The following EPB41L5 variants were observed in gnomAD, a reference collection of about 807,000 sequenced individuals.
EPB41L5 encodes the protein band 4.1-like protein 5.
Under a neutral mutation model 106.6 loss-of-function variants are expected in EPB41L5, and 55 were observed. The observed-to-expected ratio is 0.52, with a 90% CI of 0.42 to 0.65. The LOEUF (loss-of-function observed/expected upper bound fraction) is 0.65. EPB41L5 is among the 30% of genes least tolerant of loss of function. The pLI, the probability that EPB41L5 is intolerant of heterozygous loss-of-function variation, is 0.00. For synonymous variants in EPB41L5, 297 were observed against 306.7 expected (o/e 0.97, Z 0.33); for missense variants, 871 against 882.1 (o/e 0.99, Z 0.16).
At chr2:120,059,868 G>C (rs931250195) in intron 3 of EPB41L5, among the ~76,000 whole-genome samples, 2 of 152,178 alleles carry the variant, frequency 1.3e-5, no homozygotes, top group African/African-American at 4.8e-5. Flanking sequence ...GCGACAGAGC[G>C]AAACCGTGTC....
intron 3 of EPB41L5, among the ~76,000 whole-genome samples, chr2:120,067,227 G>T (rs1340268107): frequency 6.6e-6 from 1 of 152,212 alleles, no homozygotes; most frequent in Non-Finnish European, 1.5e-5. Flanking sequence ...ACATGGAAAG[G>T]TATTTTGCTG....
chr2:120,173,845 G>A (rs988245268), intron 24 of EPB41L5, among the ~76,000 whole-genome samples: 1 of 152,038 alleles, frequency 6.6e-6, no homozygotes, highest in East Asian at 1.9e-4. Context: ...CCCTCACCTG[G>A]CTATTTTTGT....
At chr2:120,098,156 T>TGTGTGTGTGTGTGTG (rs146897019) in intron 14 of EPB41L5, among the ~76,000 whole-genome samples, 6 of 133,728 alleles carry the variant, frequency 4.5e-5, no homozygotes, top group East Asian at 2.3e-4. Flanking sequence ...ATTGTTTGTT[T>TGTGTGTGTGTGTGTG]TGTGTGTGTG....
At chr2:120,130,971 G>C (rs942473703) in intron 17 of EPB41L5, among the ~76,000 whole-genome samples, 1 of 152,176 alleles carries the variant, frequency 6.6e-6, no homozygotes, top group Non-Finnish European at 1.5e-5. Flanking sequence ...TGCAAAATAA[G>C]ATTATTTCAG....
In EPB41L5 at chr2:120,177,113, C is replaced by T. The variant is rs1687946993; in HGVS notation, c.*2206C>T. 6.6e-6 allele frequency: 1 copy of T among 152,246 alleles called. No homozygotes were observed. Among genetic ancestry groups the T allele is most frequent in the South Asian group, 2.1e-4 (1 of 4,826 alleles). The allele number at this position is 152,246 out of a possible 1,614,324, so 9.4% of individuals were successfully genotyped here. On this transcript the variant is annotated 3_prime_UTR_variant, in exon 25 of 25. Coordinates refer to ENST00000263713, the MANE Select transcript of EPB41L5 (RefSeq NM_020909.4). ...TTTCCTGTCATAGCTGCTGCTGCTG[C>T]CATGCGCAGAGCTGCTGTAACAGCT...
intron 24 of EPB41L5, among the ~76,000 whole-genome samples, chr2:120,174,104 G>A (rs187745405): frequency 5.5e-4 from 84 of 152,226 alleles, no homozygotes; most frequent in Admixed American, 1.7e-3. Flanking sequence ...TTTTTCACAC[G>A]GCTCTAACAA....
intron 20 of EPB41L5, among the ~76,000 whole-genome samples, chr2:120,154,480 A>T (rs890600997): frequency 1.3e-5 from 2 of 151,884 alleles, no homozygotes; most frequent in African/African-American, 4.8e-5. Flanking sequence ...CCTATATTTA[A>T]AAATTTATCC....
intron 3 of EPB41L5, among the ~76,000 whole-genome samples, chr2:120,046,900 C>G (rs1417280056): frequency 6.6e-6 from 1 of 152,096 alleles, no homozygotes; most frequent in African/African-American, 2.4e-5. Context: ...TTTCCCAGCA[C>G]CATTTATTAA....
chr2:120,175,084 A>G lies in EPB41L5; in HGVS notation c.*177A>G. The G allele has an allele frequency of 1.6e-6, 1 of 642,424 alleles. No homozygotes were observed. The highest frequency in any genetic ancestry group is 2.8e-6 in the Non-Finnish European group (1 of 352,966). The allele number at this position is 642,424 out of a possible 1,614,324, so 39.8% of individuals were successfully genotyped here. A position where few individuals can be genotyped will look rare whatever the true frequency, so the allele number is the denominator to read the frequency against. On this transcript the variant is annotated 3_prime_UTR_variant, in exon 25 of 25. Transcript: ENST00000263713. ...TTTTCCGTCCAACTGGAATTGTTGA[A>G]TCACACTGCATAGCTGCCCAAAAGA...
chr2:120,159,450 A>G (rs1258857597), intron 20 of EPB41L5, among the ~76,000 whole-genome samples: 1 of 137,300 alleles, frequency 7.3e-6, no homozygotes, highest in Non-Finnish European at 1.7e-5. Flanking sequence ...AAAAGTGACA[A>G]TCAATATCAT....
Position 120,073,226 on chromosome 2 carries a change from T to C in EPB41L5, c.328+6T>C, listed in dbSNP as rs1289524884. ...CATCAAAAAGCAAGTAAAAAGTAAG[T>C]GCAGACAAAATTATTTGTGGGGGGG... On this transcript the variant is annotated splice_donor_region_variant and intron_variant, in intron 4 of 24. Coordinates refer to ENST00000263713, the MANE Select transcript of EPB41L5 (RefSeq NM_020909.4). 1.2e-6 allele frequency: 2 copies of C among 1,607,684 alleles called. No individual in the cohort carries two copies. Among genetic ancestry groups the C allele is most frequent in the Admixed American group, 1.7e-5 (1 of 58,438 alleles).
At chr2:120,062,210 A>T (rs116520745) in intron 3 of EPB41L5, among the ~76,000 whole-genome samples, 1,804 of 152,312 alleles carry the variant, frequency 0.012, 37 homozygotes, top group African/African-American at 0.041. Flanking sequence ...CTGAGAACAC[A>T]ATAGGATTCA....
At chr2:120,106,114 T>C in intron 16 of EPB41L5, 1 of 985,220 alleles carries the variant, frequency 1.0e-6, no homozygotes, top group Non-Finnish European at 1.2e-6. Flanking sequence ...TAATTTGAGT[T>C]AATCAGTACT....
intron 18 of EPB41L5, among the ~76,000 whole-genome samples, chr2:120,138,352 A>G (rs570125762): frequency 2.6e-5 from 4 of 152,196 alleles, no homozygotes; most frequent in South Asian, 2.1e-4. Flanking sequence ...AGCTAGAGCA[A>G]TCAGACAAGA....
intron 3 of EPB41L5, among the ~76,000 whole-genome samples, chr2:120,058,363 A>G (rs1680801820): frequency 6.6e-6 from 1 of 151,986 alleles, no homozygotes; most frequent in Non-Finnish European, 1.5e-5. Flanking sequence ...TTTAAAAAAT[A>G]ATAATTTTGT....
intron 3 of EPB41L5, among the ~76,000 whole-genome samples, chr2:120,055,246 G>A (rs77831662): frequency 6.6e-6 from 1 of 152,074 alleles, no homozygotes; most frequent in Non-Finnish European, 1.5e-5. Context: ...CTTAAAATTG[G>A]GAAGTGTGAG....
intron 14 of EPB41L5, among the ~76,000 whole-genome samples, chr2:120,098,901 C>A (rs1558873391): frequency 6.6e-6 from 1 of 152,196 alleles, no homozygotes; most frequent in African/African-American, 2.4e-5. Flanking sequence ...AGAGCTTTGC[C>A]TGTTTCCTCT....
chr2:120,066,998 G>A (rs1482035850), intron 3 of EPB41L5, among the ~76,000 whole-genome samples: 1 of 152,136 alleles, frequency 6.6e-6, no homozygotes, highest in Non-Finnish European at 1.5e-5. Context: ...CAGGCCTAGT[G>A]TTCTGTTAAT....
chr2:120,039,282 G>C (rs1333368083), intron 2 of EPB41L5, among the ~76,000 whole-genome samples: 1 of 152,050 alleles, frequency 6.6e-6, no homozygotes, highest in African/African-American at 2.4e-5. Context: ...TAATGGTGAG[G>C]GCAAGTGGGG....
Sources: gnomAD v4.1 joint callset for allele counts (sites outside exome capture counted in the v4.1 genomes callset) on GRCh38, gnomAD v4.1.1 for gene constraint, MANE v1.5 for transcripts, NCBI Gene and HGNC (gene_info 2026-07-23, HGNC 2026-07-21) for gene names.